Variants in SNX27 observed in about 807,000 individuals in gnomAD.
SNX27 encodes sorting nexin-27.
Under a neutral mutation model 71.6 loss-of-function variants are expected in SNX27, and 22 were observed. The ratio of observed to expected loss-of-function variants is 0.31; its 90% CI spans 0.22 to 0.44. SNX27 has a LOEUF of 0.44. Ranked by LOEUF, SNX27 falls within the 20% of genes least tolerant of loss-of-function variation. The probability of loss-of-function intolerance (pLI) is 1.00; values close to 1 mark genes in which losing one functional copy is unlikely to be tolerated. For missense variants in SNX27, 531 were observed against 698.6 expected, an observed-to-expected ratio of 0.76 and a Z score of 2.70; for synonymous variants, 269 against 277.2, an observed-to-expected ratio of 0.97 and a Z score of 0.29.
At chr1:151,692,184 A>G (rs1049768952) in intron 8 of SNX27, among the ~76,000 whole-genome samples, 1 of 152,080 alleles carries the variant, frequency 6.6e-6, no homozygotes, top group Non-Finnish European at 1.5e-5. Context: ...AGATCATGCT[A>G]CTGCACTCCA....
chr1:151,646,039 T>G (rs1669019479), intron 2 of SNX27, among the ~76,000 whole-genome samples: 1 of 152,216 alleles, frequency 6.6e-6, no homozygotes, highest in Non-Finnish European at 1.5e-5. Flanking sequence ...CTTGATGAAT[T>G]GATCCCTTTA....
In SNX27 at chr1:151,697,098, TA is replaced by T. The variant is rs1263742849; in HGVS notation, c.*2684del. 1 of 152,150 alleles carries T rather than the reference TA, an allele frequency of 6.6e-6. No individual in the cohort carries two copies. Among genetic ancestry groups the T allele is most frequent in the Non-Finnish European group, 1.5e-5 (1 of 68,036 alleles). The allele number at this position is 152,150 out of a possible 1,614,324, so 9.4% of individuals were successfully genotyped here. A position where few individuals can be genotyped will look rare whatever the true frequency, so the allele number is the denominator to read the frequency against. ...ACAAAACGTGAGAATGCTGAATGTG[TA>T]AAGTTGCAGAGGGATCCCTAATTTG... On this transcript the variant is annotated 3_prime_UTR_variant, in exon 12 of 12. Coordinates refer to ENST00000458013, the MANE Select transcript of SNX27 (RefSeq NM_001330723.2).
chr1:151,662,846 T>C (rs1260162730), intron 5 of SNX27: 1 of 152,012 alleles, frequency 6.6e-6, no homozygotes, highest in African/African-American at 2.4e-5. Flanking sequence ...GTATAATGAA[T>C]CTCCATATAG....
intron 1 of SNX27, among the ~76,000 whole-genome samples, chr1:151,638,323 A>G (rs1419281016): frequency 6.6e-6 from 1 of 152,238 alleles, no homozygotes; most frequent in Non-Finnish European, 1.5e-5. Context: ...GAAACTTGGC[A>G]TAAAGGAAAA....
chr1:151,692,999 G>A lies in SNX27; in HGVS notation c.1478G>A (p.Gly493Glu), dbSNP rs756063271. The A allele has an allele frequency of 6.2e-7, 1 of 1,614,100 alleles. No individual in the cohort carries two copies. Reference sequence around the variant, plus strand: ...GCCTTCTGTTTCGAATATGCACGAGGAGAGAAGAAGCCCCGATGGGTTAAA... The same window carrying A: ...GCCTTCTGTTTCGAATATGCACGAGAAGAGAAGAAGCCCCGATGGGTTAAA... ...GMAFCFEYARGEKKPRWVKIF... is the reference protein window; with the variant it reads ...GMAFCFEYAREEKKPRWVKIF... Residue 493 changes from glycine to glutamate, a missense_variant, in exon 10 of 12, where the codon GGA becomes GAA. Around this residue, in one of 5 missense-constraint regions of SNX27, gnomAD observed 157 missense variants for 178.4 expected, o/e 0.88. Coordinates refer to ENST00000458013, the MANE Select transcript of SNX27 (RefSeq NM_001330723.2).
intron 1 of SNX27, among the ~76,000 whole-genome samples, chr1:151,620,655 T>C (rs1042964647): frequency 6.6e-6 from 1 of 152,020 alleles, no homozygotes; most frequent in Non-Finnish European, 1.5e-5. Context: ...GTGTTCTAGC[T>C]CTACTTTCCT....
chr1:151,684,416 C>T (rs1671100074), intron 8 of SNX27, among the ~76,000 whole-genome samples: 1 of 152,152 alleles, frequency 6.6e-6, no homozygotes, highest in Admixed American at 6.5e-5. Context: ...GAAAGTTTTG[C>T]CGAACAGGGC....
chr1:151,637,155 TTTTTTTGTTTTTTTG>T (rs1246760700), intron 1 of SNX27, among the ~76,000 whole-genome samples: 2 of 25,192 alleles, frequency 7.9e-5, no homozygotes, highest in Non-Finnish European at 1.1e-3. Context: ...TTGATCACGT[TTTTTTTGTTTTTTTG>T]TTTTTTTTTT....
chr1:151,615,630 A>G, intron 1 of SNX27: 1 of 936,640 alleles, frequency 1.1e-6, no homozygotes, highest in Non-Finnish European at 1.3e-6. Flanking sequence ...GGTCAGAATT[A>G]GGGATAGGTG....
chr1:151,689,320 T>C (rs1393199890), intron 8 of SNX27, among the ~76,000 whole-genome samples: 2 of 152,156 alleles, frequency 1.3e-5, no homozygotes, highest in African/African-American at 4.8e-5. Flanking sequence ...TTTGTCAGGC[T>C]CCAGTGCATA....
chr1:151,681,690 A>C (rs1670975591), intron 7 of SNX27, among the ~76,000 whole-genome samples: 1 of 152,068 alleles, frequency 6.6e-6, no homozygotes, highest in African/African-American at 2.4e-5. Context: ...TTCAAACACA[A>C]ATCAAACTTT....
At chr1:151,643,192 G>C (rs1668857799) in intron 2 of SNX27, among the ~76,000 whole-genome samples, 1 of 148,614 alleles carries the variant, frequency 6.7e-6, no homozygotes, top group Non-Finnish European at 1.5e-5. Flanking sequence ...TGGAACTCCT[G>C]ACCTCAAGTG....
intron 1 of SNX27, among the ~76,000 whole-genome samples, chr1:151,627,577 G>A (rs927201291): frequency 1.3e-5 from 2 of 152,090 alleles, no homozygotes; most frequent in African/African-American, 4.8e-5. Context: ...GGTTCACACT[G>A]TTCTTGGTGT....
At chr1:151,683,554 T>C in intron 8 of SNX27, 109 bp downstream of exon 8, 1 of 741,694 alleles carries the variant, frequency 1.3e-6, no homozygotes, top group Non-Finnish European at 2.2e-6. Context: ...GCTTAACTAA[T>C]TTTAAAAAAG....
At position 151,695,414 on chromosome 1, in the gene SNX27, T is replaced by TG. The variant is rs1671657894; in HGVS notation, c.*997_*998insG. On this transcript the variant is annotated 3_prime_UTR_variant, in exon 12 of 12. Coordinates refer to ENST00000458013, the MANE Select transcript of SNX27 (RefSeq NM_001330723.2). Reference sequence around the variant, plus strand: ...GTAATTTCCTGTTTTCCTTGCCTTTTTTTTTTTTTTTTTTTTTTTTTTCTG... The same window carrying TG: ...GTAATTTCCTGTTTTCCTTGCCTTTTGTTTTTTTTTTTTTTTTTTTTTTCTG... 1.5e-5 allele frequency: 2 copies of TG among 135,432 alleles called. No homozygotes were observed. Among genetic ancestry groups the TG allele is most frequent in the Non-Finnish European group, 3.2e-5 (2 of 63,298 alleles). The allele number at this position is 135,432 out of a possible 1,614,324, so 8.4% of individuals were successfully genotyped here. A position where few individuals can be genotyped will look rare whatever the true frequency, so the allele number is the denominator to read the frequency against.
At chr1:151,636,484 G>T (rs891759694) in intron 1 of SNX27, among the ~76,000 whole-genome samples, 1 of 151,646 alleles carries the variant, frequency 6.6e-6, no homozygotes, top group East Asian at 1.9e-4. Flanking sequence ...GGTATATTTC[G>T]TATAGAGACG....
chr1:151,631,864 C>T (rs1251898987), intron 1 of SNX27, among the ~76,000 whole-genome samples: 1 of 152,024 alleles, frequency 6.6e-6, no homozygotes, highest in Non-Finnish European at 1.5e-5. Context: ...TTTGTAAAGG[C>T]GGAGTCCCAC....
intron 1 of SNX27, chr1:151,615,994 A>C (rs1248716082): frequency 4.9e-6 from 1 of 202,432 alleles, no homozygotes; most frequent in African/African-American, 2.4e-5. Flanking sequence ...TCTAGATTCT[A>C]ACAGGGCTTG....
rs775410402 is a variant in SNX27, at chr1:151,612,550, C to T, written c.311+38C>T. The T allele has an allele frequency of 1.5e-6, 2 of 1,299,670 alleles. No homozygotes were observed. Among genetic ancestry groups the T allele is most frequent in the Non-Finnish European group, 2.0e-6 (2 of 1,014,170 alleles). The allele number at this position is 1,299,670 out of a possible 1,614,324, so 80.5% of individuals were successfully genotyped here. A position where few individuals can be genotyped will look rare whatever the true frequency, so the allele number is the denominator to read the frequency against. On this transcript the variant is annotated intron_variant, in intron 1 of 11. Transcript: ENST00000458013. This position sits in a 1 kb window ranked among gnomAD's most constrained non-coding sequence, Gnocchi z 5.2. ...GCTACCCGCCGCCCCATCCTCCCCG[C>T]GCCCCTCCTGCCCCTGCACTCCTCG...
Sources: gnomAD v4.1 joint callset for allele counts (sites outside exome capture counted in the v4.1 genomes callset) on GRCh38, gnomAD v4.1.1 for gene constraint, gnomAD v4.1.1 regional missense constraint, Gnocchi (gnomAD v3.1) non-coding constraint, MANE v1.5 for transcripts, NCBI Gene and HGNC (gene_info 2026-07-23, HGNC 2026-07-21) for gene names.